Variants in SLC28A3 observed in about 807,000 individuals in gnomAD.
SLC28A3 encodes the protein concentrative Na(+)-nucleoside cotransporter 3.
A neutral mutation model predicts 84.2 loss-of-function variants in SLC28A3; 68 were observed. The observed-to-expected ratio is 0.81, with a 90% confidence interval of 0.66 to 0.99. The LOEUF is 0.99. Among genes scored for constraint, SLC28A3 ranks in the 50% least tolerant of loss-of-function variants. The pLI, the probability that SLC28A3 is intolerant of heterozygous loss-of-function variation, is 0.00. For missense variants in SLC28A3, 712 were observed against 841.5 expected, an observed-to-expected ratio of 0.85 and a Z score of 1.90; for synonymous variants, 267 against 303.6, an observed-to-expected ratio of 0.88 and a Z score of 1.25.
rs773727942 is a variant in SLC28A3, at chr9:84,280,865, G to A, written c.1665C>T (p.Ile555=). ...CAAAACCACAGAGAGCGTAAGTGGC[G>A]ATTATCTCAGAACGAATCTGTAAGC... The part of the protein sequence containing the change: ...QQYISIRSEI[I]ATYALCGFAN... The change falls in exon 15 of 18, where the codon ATC becomes ATT. Residue 555 remains isoleucine (I), a synonymous_variant. Transcript: ENST00000376238. 5.0e-6 allele frequency: 8 copies of A among 1,614,024 alleles called. No homozygotes were observed. The highest frequency in any genetic ancestry group is 1.7e-5 in the Admixed American group (1 of 59,998).
upstream of SLC28A3, among the ~76,000 whole-genome samples, chr9:84,344,479 G>A (rs753312041): frequency 6.6e-6 from 1 of 152,006 alleles, no homozygotes; most frequent in Non-Finnish European, 1.5e-5. Flanking sequence ...GTGAGCCACC[G>A]CACCCGGCCC....
At chr9:84,310,600 T>C in intron 2 of SLC28A3, 2 of 985,278 alleles carry the variant, frequency 2.0e-6, no homozygotes, top group Non-Finnish European at 1.2e-6. Flanking sequence ...TTAACAGAAA[T>C]CATAGAAATA....
chr9:84,368,424 C>T, the SLC28A3 span, among the ~76,000 whole-genome samples: 1 of 152,116 alleles, frequency 6.6e-6, no homozygotes, highest in Admixed American at 6.5e-5. Flanking sequence ...TCTGATCTCT[C>T]TTCTTTTCCC....
chr9:84,315,422 A>T (rs919925625), intron 1 of SLC28A3, among the ~76,000 whole-genome samples: 2 of 152,172 alleles, frequency 1.3e-5, no homozygotes, highest in Non-Finnish European at 2.9e-5. Flanking sequence ...TAATTCTATT[A>T]GGAGATTCAG....
chr9:84,359,525 T>C, the SLC28A3 span, among the ~76,000 whole-genome samples: 1 of 152,248 alleles, frequency 6.6e-6, no homozygotes, highest in South Asian at 2.1e-4. Flanking sequence ...ATTGAGGCAA[T>C]AAAAGGTACA....
rs118051183 is a variant in SLC28A3, at chr9:84,315,174, C to G, written c.61-1720G>C. On this transcript the variant is annotated intron_variant, in intron 1 of 17. Transcript: ENST00000376238. ...AATTGCTGAAGTTGGCTGACAGGTA[C>G]CCGGAGAATCATTTTATTATTCTCC... is the stretch of plus-strand genomic sequence containing the variant. 3.9e-3 allele frequency among the ~76,000 whole-genome samples: 589 copies of G among 152,256 alleles called. 4 individuals are homozygous for G. Among genetic ancestry groups the G allele is most frequent in the Non-Finnish European group, 7.0e-3 (473 of 68,022 alleles).
chr9:84,329,508 A>T (rs917299533), intron 1 of SLC28A3, among the ~76,000 whole-genome samples: 3 of 152,236 alleles, frequency 2.0e-5, no homozygotes, highest in Non-Finnish European at 4.4e-5. Flanking sequence ...TTGAAAGATA[A>T]TGTGTCTTCC....
chr9:84,299,392 A>G (rs771553311), intron 6 of SLC28A3, among the ~76,000 whole-genome samples, 189 bp downstream of exon 6: 6 of 152,164 alleles, frequency 3.9e-5, no homozygotes, highest in Non-Finnish European at 8.8e-5. Context: ...CTGAGAATGG[A>G]GCATGAAATA....
chr9:84,300,450 G>A (rs1006432526), intron 5 of SLC28A3, among the ~76,000 whole-genome samples: 5 of 152,204 alleles, frequency 3.3e-5, no homozygotes, highest in African/African-American at 1.2e-4. Flanking sequence ...ACCAGCGGCC[G>A]AGAGGGAGAT....
the SLC28A3 span, among the ~76,000 whole-genome samples, chr9:84,360,359 A>C: frequency 3.9e-5 from 6 of 152,136 alleles, no homozygotes; most frequent in East Asian, 3.9e-4. Context: ...AGACAGAGCC[A>C]CTGAAGATAA....
At chr9:84,297,192 G>A (rs368522445) in intron 8 of SLC28A3, 29 bp downstream of exon 8, 39 of 1,579,196 alleles carry the variant, frequency 2.5e-5, no homozygotes, top group African/African-American at 5.5e-5. Flanking sequence ...AAATAGCAGC[G>A]ACTACATAGA....
At chr9:84,285,196 A>G in intron 14 of SLC28A3, 149 bp downstream of exon 14, 1 of 703,370 alleles carries the variant, frequency 1.4e-6, no homozygotes, top group South Asian at 1.9e-5. Context: ...TGTACATTAT[A>G]AGCTCCATGA....
upstream of SLC28A3, among the ~76,000 whole-genome samples, chr9:84,343,150 C>CTCCA (rs1322242995): frequency 2.6e-5 from 4 of 151,790 alleles, no homozygotes; most frequent in African/African-American, 9.7e-5. Context: ...CGCCACCGCA[C>CTCCA]TCCAGACTGG....
the SLC28A3 span, among the ~76,000 whole-genome samples, chr9:84,352,215 G>T: frequency 2.0e-5 from 3 of 151,692 alleles, no homozygotes; most frequent in Non-Finnish European, 4.4e-5. Flanking sequence ...ACAGAGTCTC[G>T]CACTGTTGCC....
At chr9:84,296,416 G>A (rs1825417796) in intron 8 of SLC28A3, among the ~76,000 whole-genome samples, 1 of 152,148 alleles carries the variant, frequency 6.6e-6, no homozygotes, top group African/African-American at 2.4e-5. Flanking sequence ...CTGAAGCTGG[G>A]GTAATTTGGA....
chr9:84,367,803 A>G, the SLC28A3 span, among the ~76,000 whole-genome samples: 3 of 152,164 alleles, frequency 2.0e-5, no homozygotes, highest in African/African-American at 7.2e-5. Context: ...TTACCCAAAC[A>G]TCTCAGTGTA....
the SLC28A3 span, among the ~76,000 whole-genome samples, chr9:84,361,451 A>C: frequency 6.6e-6 from 1 of 152,236 alleles, no homozygotes; most frequent in Non-Finnish European, 1.5e-5. Context: ...TTCCAACTTA[A>C]AATGTCTTTC....
chr9:84,290,555 C>T (rs1055771570), intron 10 of SLC28A3, among the ~76,000 whole-genome samples: 9 of 152,274 alleles, frequency 5.9e-5, no homozygotes, highest in Admixed American at 3.9e-4. Flanking sequence ...CCCACACCAT[C>T]GACGTCTGGG....
At chr9:84,345,487 G>C (rs759961828), upstream of SLC28A3, among the ~76,000 whole-genome samples, 11 of 152,166 alleles carry the variant, frequency 7.2e-5, no homozygotes, top group Non-Finnish European at 1.6e-4. Flanking sequence ...TGACTCCAAT[G>C]CCTGACATTC....
Sources: allele counts gnomAD v4.1 joint callset (sites outside exome capture counted in the v4.1 genomes callset), GRCh38; gene constraint gnomAD v4.1.1; transcripts MANE v1.5; gene names NCBI Gene and HGNC (gene_info 2026-07-23, HGNC 2026-07-21).